NBR1: variants seen among roughly 807,000 people sequenced by gnomAD.
NBR1 encodes NBR1 autophagy cargo receptor.
In NBR1, 59 loss-of-function variants were observed where a neutral mutation model predicts 115.5. That is an observed-to-expected ratio of 0.51 (90% CI 0.41 to 0.63). The LOEUF (loss-of-function observed/expected upper bound fraction) is 0.63. Among genes scored for constraint, NBR1 ranks in the 30% least tolerant of loss-of-function variants. The pLI, the probability that NBR1 is intolerant of heterozygous loss-of-function variation, is 0.00. For synonymous variants in NBR1, 373 were observed against 414.7 expected (o/e 0.90, Z 1.22); for missense variants, 1,043 against 1,150.5 (o/e 0.91, Z 1.35).
At chr17:43,204,945 C>T (rs2057285323) in intron 20 of NBR1, among the ~76,000 whole-genome samples, 1 of 152,086 alleles carries the variant, frequency 6.6e-6, no homozygotes, top group Non-Finnish European at 1.5e-5. Flanking sequence ...CACTGCACTC[C>T]AGCTTGGGTG....
At chr17:43,191,250 A>C in intron 9 of NBR1, 122 bp from the exon 10 acceptor site, 1 of 716,970 alleles carries the variant, frequency 1.4e-6, no homozygotes. Flanking sequence ...TGAGACCCTA[A>C]TTCTAAAACA....
chr17:43,190,953 A>G (rs1283172731), intron 9 of NBR1, among the ~76,000 whole-genome samples, 177 bp downstream of exon 9: 1 of 152,234 alleles, frequency 6.6e-6, no homozygotes, highest in East Asian at 1.9e-4. Context: ...ATAAAAAGAA[A>G]TTAAGAAACT....
intron 1 of NBR1, among the ~76,000 whole-genome samples, chr17:43,172,287 G>T (rs1281088380): frequency 1.3e-5 from 2 of 152,180 alleles, no homozygotes; most frequent in Non-Finnish European, 2.9e-5. Context: ...CAGCCAAAGA[G>T]AGTTCCTTAT....
At chr17:43,192,948 C>T in intron 10 of NBR1, 146 bp from the exon 11 acceptor site, 2 of 701,060 alleles carry the variant, frequency 2.9e-6, no homozygotes, top group South Asian at 2.0e-5. Context: ...AATATGTGGT[C>T]CTATACTAGT....
chr17:43,187,206 T>C (rs2056825710), intron 6 of NBR1, among the ~76,000 whole-genome samples: 1 of 151,974 alleles, frequency 6.6e-6, no homozygotes, highest in Admixed American at 6.6e-5. Context: ...TGAAACGGAG[T>C]CTCACTCTGT....
At chr17:43,174,764 T>C (rs1346136634) in intron 1 of NBR1, among the ~76,000 whole-genome samples, 1 of 151,828 alleles carries the variant, frequency 6.6e-6, no homozygotes, top group Non-Finnish European at 1.5e-5. Context: ...TGTTTATTAC[T>C]CTCCACTTTT....
At chr17:43,195,651 CAAA>C (rs34787155) in intron 14 of NBR1, 1,259 of 115,722 alleles carry the variant, frequency 0.011, 9 homozygotes, top group Non-Finnish European at 0.016. Context: ...AACTCCGTCT[CAAA>C]AAAAAAAAAA....
chr17:43,203,580 C>G, intron 19 of NBR1, 101 bp from the exon 20 acceptor site: 2 of 670,652 alleles, frequency 3.0e-6, no homozygotes, highest in Non-Finnish European at 2.5e-6. Context: ...CTAATTTTTT[C>G]TCTTAAGGAA....
upstream of NBR1, chr17:43,171,022 C>G (rs1419989814): frequency 1.3e-5 from 2 of 152,284 alleles, no homozygotes; most frequent in African/African-American, 4.8e-5. Flanking sequence ...CATCTGCGCA[C>G]TCCTAGTTCC....
At chr17:43,207,859 C>CAA (rs2057346399) in intron 20 of NBR1, among the ~76,000 whole-genome samples, 2 of 152,152 alleles carry the variant, frequency 1.3e-5, no homozygotes, top group Non-Finnish European at 2.9e-5. Flanking sequence ...CAACGGTATC[C>CAA]ATCCAGATCA....
At chr17:43,177,226 T>G (rs1243172754) in intron 2 of NBR1, among the ~76,000 whole-genome samples, 1 of 135,508 alleles carries the variant, frequency 7.4e-6, no homozygotes, top group Admixed American at 8.2e-5. Context: ...TGAGCCAAGA[T>G]CAAGCCACTA....
Position 43,210,200 on chromosome 17 carries a change from T to C in NBR1, c.*126T>C. On this transcript the variant is annotated 3_prime_UTR_variant, in exon 21 of 21. Coordinates refer to ENST00000590996, the MANE Select transcript of NBR1 (RefSeq NM_005899.5). Reference sequence around the variant, plus strand: ...AATCTGTATAGAGCCCATCGTTGAGTTACCAAGACAATACCTGCTACAGTA... The same window carrying C: ...AATCTGTATAGAGCCCATCGTTGAGCTACCAAGACAATACCTGCTACAGTA... The C allele has an allele frequency of 1.2e-6, 1 of 821,142 alleles. No individual in the cohort carries two copies. Among genetic ancestry groups the C allele is most frequent in the Non-Finnish European group, 1.7e-6 (1 of 582,378 alleles). 50.9% of individuals were successfully genotyped at this position (821,142 alleles called of 1,614,324 possible).
At position 43,189,091 on chromosome 17, in the gene NBR1, C is replaced by G. The variant is rs1421139263; in HGVS notation, c.452C>G (p.Pro151Arg). Reference sequence around the variant, plus strand: ...ACAGACCAGCCTCAAGACAAGCCCCCAGACTGGTTCACAAGCTACCTGGAG... The same window carrying G: ...ACAGACCAGCCTCAAGACAAGCCCCGAGACTGGTTCACAAGCTACCTGGAG... The part of the protein sequence containing the change: ...CDTDQPQDKP[P>R]DWFTSYLETF... Residue 151 changes from proline to arginine, a missense_variant, in exon 7 of 21, where the codon CCA becomes CGA. Transcript: ENST00000590996. 1.2e-6 allele frequency: 2 copies of G among 1,613,082 alleles called. No homozygotes were observed. Among genetic ancestry groups the G allele is most frequent in the African/African-American group, 2.7e-5 (2 of 74,906 alleles).
chr17:43,210,815 T>G lies in NBR1; in HGVS notation c.*741T>G. The G allele has an allele frequency of 2.5e-6, 1 of 398,336 alleles. No homozygotes were observed. The highest frequency in any genetic ancestry group is 4.4e-6 in the Non-Finnish European group (1 of 225,960). 24.7% of individuals were successfully genotyped at this position (398,336 alleles called of 1,614,324 possible). A position where few individuals can be genotyped will look rare whatever the true frequency, so the allele number is the denominator to read the frequency against. The stretch of plus-strand genomic sequence containing the variant: ...TTATTTAAGGGAAAAAATATAGGTA[T>G]TGTGAAATATTTTGCTAATCTTATA... On this transcript the variant is annotated 3_prime_UTR_variant, in exon 21 of 21. Coordinates refer to ENST00000590996, the MANE Select transcript of NBR1 (RefSeq NM_005899.5).
Position 43,184,451 on chromosome 17 carries a change from C to T in NBR1, c.208-1799C>T, listed in dbSNP as rs983355724. ...CGCCATCTCAGCTCATTGCAACCTC[C>T]GCCTCCTGGATTCAAGCAATTCTCC... On this transcript the variant is annotated intron_variant, in intron 5 of 20. Transcript: ENST00000590996. Among the ~76,000 whole-genome samples the T allele has an allele frequency of 4.9e-5, 7 of 143,622 alleles. No individual in the cohort carries two copies. The East Asian group carries it at 8.5e-4, about 17-fold the overall frequency. 94.2% of individuals were successfully genotyped at this position (143,622 alleles called of 152,430 possible).
chr17:43,176,242 G>C, intron 2 of NBR1: 1 of 196,038 alleles, frequency 5.1e-6, no homozygotes, highest in Non-Finnish European at 1.0e-5. Context: ...ATGTTCTCTT[G>C]TGTGAGGATA....
At chr17:43,194,864 C>T (rs967982005) in intron 13 of NBR1, 100 bp from the exon 14 acceptor site, 5 of 860,968 alleles carry the variant, frequency 5.8e-6, no homozygotes, top group Non-Finnish European at 9.3e-6. Flanking sequence ...TGAATTTGAA[C>T]AGAGTTGAAT....
intron 10 of NBR1, among the ~76,000 whole-genome samples, chr17:43,192,546 T>G (rs1013099589): frequency 6.6e-6 from 1 of 151,764 alleles, no homozygotes; most frequent in Admixed American, 6.6e-5. Flanking sequence ...TTTTTTGTAT[T>G]TTTTAGTAGA....
intron 4 of NBR1, among the ~76,000 whole-genome samples, chr17:43,180,472 T>C (rs2056634372): frequency 6.6e-6 from 1 of 152,228 alleles, no homozygotes; most frequent in Non-Finnish European, 1.5e-5. Context: ...CAAAATGTTA[T>C]GTGGCAATGG....
Sources: gnomAD v4.1 joint callset for allele counts (sites outside exome capture counted in the v4.1 genomes callset) on GRCh38, gnomAD v4.1.1 for gene constraint, MANE v1.5 for transcripts, NCBI Gene and HGNC (gene_info 2026-07-23, HGNC 2026-07-21) for gene names.